The following ZNF454 variants were observed in gnomAD, a reference collection of about 807,000 sequenced individuals.
ZNF454 encodes the protein zinc finger protein 454.
Under a neutral mutation model 48.2 loss-of-function variants are expected in ZNF454, and 30 were observed. The observed-to-expected ratio is 0.62, with a 90% CI of 0.47 to 0.84. The LOEUF (loss-of-function observed/expected upper bound fraction) is 0.84. Ranked by LOEUF, ZNF454 falls within the 40% of genes least tolerant of loss-of-function variation. ZNF454 has a pLI of 0.00. For synonymous variants in ZNF454, 204 were observed against 211.4 expected (o/e 0.97, Z 0.30); for missense variants, 510 against 623.1 (o/e 0.82, Z 1.93).
At position 178,942,717 on chromosome 5, in the gene ZNF454, C is replaced by A; in HGVS notation, c.-75C>A. The A allele has an allele frequency of 3.8e-6, 6 of 1,559,926 alleles. No homozygotes were observed. Among genetic ancestry groups the A allele is most frequent in the Non-Finnish European group, 5.3e-6 (6 of 1,131,708 alleles). ...GTGGACCCTTCTAGCCTGAGGAGTCCTGCAGGTGTGAAGCTCCACACCTGC... is the reference window on the plus strand; with the variant it reads ...GTGGACCCTTCTAGCCTGAGGAGTCATGCAGGTGTGAAGCTCCACACCTGC... On this transcript the variant is annotated 5_prime_UTR_variant, in exon 2 of 5. The change creates a new upstream start codon in the 5' untranslated region. Coordinates refer to ENST00000519564, the MANE Select transcript of ZNF454 (RefSeq NM_001178089.3).
chr5:178,977,082 G>A, the ZNF454 span, among the ~76,000 whole-genome samples: 1 of 152,174 alleles, frequency 6.6e-6, no homozygotes, highest in Non-Finnish European at 1.5e-5. Context: ...CAGCACCACG[G>A]TGCCATGGAA....
intron 4 of ZNF454, among the ~76,000 whole-genome samples, chr5:178,950,712 A>G (rs1286826033): frequency 3.3e-5 from 5 of 152,090 alleles, no homozygotes; most frequent in Middle Eastern, 3.4e-3. Context: ...CTTTAGCTTT[A>G]TCTTTTTTGA....
chr5:178,975,721 T>A, the ZNF454 span: 1 of 425,500 alleles, frequency 2.4e-6, no homozygotes, highest in Admixed American at 2.4e-5. Flanking sequence ...TAGCTTGATG[T>A]GTCACCTGGC....
the ZNF454 span, among the ~76,000 whole-genome samples, chr5:178,988,580 G>T: frequency 6.6e-6 from 1 of 152,152 alleles, no homozygotes; most frequent in African/African-American, 2.4e-5. The surrounding 1 kb of genome is among the most constrained non-coding windows in gnomAD (Gnocchi z 6.0). Context: ...GGCGCCCCAC[G>T]CAGTCTTAAC....
the ZNF454 span, chr5:178,989,706 CATTT>C: frequency 6.9e-5 from 34 of 491,394 alleles, no homozygotes; most frequent in Admixed American, 2.0e-4. Context: ...AGAGCCTCAC[CATTT>C]GAAAGACTTT....
intron 4 of ZNF454, among the ~76,000 whole-genome samples, chr5:178,952,101 G>C (rs1021701363): frequency 2.0e-5 from 3 of 150,454 alleles, no homozygotes; most frequent in Non-Finnish European, 4.4e-5. Flanking sequence ...GCTGTGGCGC[G>C]ATCTCGGCTC....
At chr5:178,973,888 A>G in the ZNF454 span, among the ~76,000 whole-genome samples, 1 of 151,544 alleles carries the variant, frequency 6.6e-6, no homozygotes, top group Non-Finnish European at 1.5e-5. Flanking sequence ...AAAAAATTCT[A>G]TCCATTTATA....
rs539385943 is a variant in ZNF454 at position 178,944,443 on chromosome 5, A to G, written c.33+1619A>G. ...GGTTGCCATTCAGCAGACATATGTT[A>G]GGGCTGTAAAATGTGCCAGGAATTA... On this transcript the variant is annotated intron_variant, in intron 2 of 4. Coordinates refer to ENST00000519564, the MANE Select transcript of ZNF454 (RefSeq NM_001178089.3). This position sits in a 1 kb window ranked among gnomAD's most constrained non-coding sequence, Gnocchi z 4.1. 6.6e-6 allele frequency among the ~76,000 whole-genome samples: 1 copy of G among 152,354 alleles called. No homozygotes were observed. Among genetic ancestry groups the G allele is most frequent in the Admixed American group, 6.5e-5 (1 of 15,304 alleles).
chr5:178,970,333 C>G (rs997280824), downstream of ZNF454, among the ~76,000 whole-genome samples: 3 of 152,158 alleles, frequency 2.0e-5, no homozygotes, highest in African/African-American at 7.2e-5. Flanking sequence ...CTCCCTGCTT[C>G]TTGGCCCACC....
chr5:178,955,968 C>T (rs903846341), intron 4 of ZNF454, among the ~76,000 whole-genome samples: 3 of 152,118 alleles, frequency 2.0e-5, no homozygotes, highest in African/African-American at 7.2e-5. Flanking sequence ...CTGGAGTCTG[C>T]CTCCAGGGAC....
the ZNF454 span, among the ~76,000 whole-genome samples, chr5:178,973,183 A>T: frequency 8.9e-6 from 1 of 112,286 alleles, no homozygotes. Context: ...CTCCCCTCCC[A>T]TTCCTTTCCT....
the ZNF454 span, among the ~76,000 whole-genome samples, chr5:178,971,724 C>T: frequency 6.6e-5 from 10 of 150,796 alleles, no homozygotes; most frequent in African/African-American, 1.2e-4. Context: ...GGTGTGGTGG[C>T]GGGCGCATGT....
the ZNF454 span, chr5:178,977,572 CTT>C: frequency 0.012 from 2,158 of 181,738 alleles, no homozygotes; most frequent in South Asian, 0.038. Context: ...ATTCAGTCTT[CTT>C]TTTTTTTTTT....
the ZNF454 span, chr5:178,986,915 A>G: frequency 4.3e-6 from 7 of 1,613,984 alleles, no homozygotes; most frequent in African/African-American, 9.3e-5. Flanking sequence ...GTCGCCTGGT[A>G]CTGGAAGATG....
At chr5:178,950,563 C>T (rs1018929648) in intron 4 of ZNF454, among the ~76,000 whole-genome samples, 5 of 152,182 alleles carry the variant, frequency 3.3e-5, no homozygotes, top group Non-Finnish European at 7.4e-5. Context: ...ACTCACCAAA[C>T]GTAAAGGAAT....
chr5:178,981,539 T>C, the ZNF454 span: 1 of 770,912 alleles, frequency 1.3e-6, no homozygotes, highest in Non-Finnish European at 2.2e-6. This position sits in a 1 kb window ranked among gnomAD's most constrained non-coding sequence, Gnocchi z 5.1. Flanking sequence ...CGGAGCATGG[T>C]CTTGGCAAAC....
At chr5:178,967,885 A>G (rs1269834222), downstream of ZNF454, among the ~76,000 whole-genome samples, 1 of 151,480 alleles carries the variant, frequency 6.6e-6, no homozygotes, top group Non-Finnish European at 1.5e-5. Flanking sequence ...GTCTACAGGC[A>G]CCCACTACCA....
Position 178,964,757 on chromosome 5 carries a change from G to C in ZNF454, c.353G>C (p.Ser118Thr), listed in dbSNP as rs184153007. The C allele has an allele frequency of 3.1e-4, 500 of 1,614,234 alleles. 5 individuals carry two copies. In the East Asian group the frequency reaches 9.5e-3, roughly 31 times the overall value. Residue 118 changes from serine (S) to threonine (T), a missense_variant, in exon 5 of 5, where the codon AGT (serine) becomes ACT (threonine). Ser to Thr is a moderately conservative substitution (Grantham distance 58). Coordinates refer to ENST00000519564, the MANE Select transcript of ZNF454 (RefSeq NM_001178089.3). ...WTIKERFSSS[S>T]HWKCASLLEW... ...ATAAAGGAAAGATTCAGTAGCAGTA[G>C]TCACTGGAAGTGTGCTAGCCTGCTG... is the stretch of plus-strand genomic sequence containing the variant.
At chr5:178,968,950 C>G (rs1252454109), downstream of ZNF454, 1 of 445,402 alleles carries the variant, frequency 2.2e-6, no homozygotes, top group East Asian at 7.0e-5. Flanking sequence ...AGACAGTGCA[C>G]TCTCCCTGAG....
Sources: gnomAD v4.1 joint callset for allele counts (sites outside exome capture counted in the v4.1 genomes callset) on GRCh38, gnomAD v4.1.1 for gene constraint, Gnocchi (gnomAD v3.1) non-coding constraint, MANE v1.5 for transcripts, NCBI Gene and HGNC (gene_info 2026-07-23, HGNC 2026-07-21) for gene names.